SNTG1: variants seen among roughly 807,000 people sequenced by gnomAD.
SNTG1 encodes the protein syntrophin gamma 1.
In SNTG1, 39 loss-of-function variants were observed where a neutral mutation model predicts 74.7. The ratio of observed to expected loss-of-function variants is 0.52; its 90% CI spans 0.40 to 0.68. The LOEUF (loss-of-function observed/expected upper bound fraction) is 0.68, where lower values mean the gene tolerates loss of function less well. Ranked by LOEUF, SNTG1 falls within the 30% of genes least tolerant of loss-of-function variation. SNTG1 has a pLI of 0.00. For missense variants in SNTG1, 685 were observed against 609.5 expected (o/e 1.12, Z -1.30); for synonymous variants, 254 against 217.1 (o/e 1.17, Z -1.49).
In SNTG1 at chr8:50,759,992, C is replaced by T. The variant is rs183248126; in HGVS notation, c.1395+7881C>T. On this transcript the variant is annotated intron_variant, in intron 18 of 18. Transcript: ENST00000642720. Reference sequence around the variant, plus strand: ...TATCCATGAGCATGGAATGTTTTCCCATTTGTTTGTGTCCTCTCTTATTCC... The same window carrying T: ...TATCCATGAGCATGGAATGTTTTCCTATTTGTTTGTGTCCTCTCTTATTCC... 3.2e-4 allele frequency among the ~76,000 whole-genome samples: 48 copies of T among 152,106 alleles called. 1 individual carries two copies. Among genetic ancestry groups the T allele is most frequent in the African/African-American group, 1.1e-3 (46 of 41,492 alleles).
chr8:50,171,498 C>A (rs1325561015), intron 1 of SNTG1, among the ~76,000 whole-genome samples: 1 of 152,056 alleles, frequency 6.6e-6, no homozygotes, highest in Non-Finnish European at 1.5e-5. Context: ...TAGATTGTGC[C>A]CATCCAGATT....
chr8:50,549,204 G>T (rs1346170824), intron 11 of SNTG1, among the ~76,000 whole-genome samples: 7 of 152,112 alleles, frequency 4.6e-5, no homozygotes, highest in Non-Finnish European at 2.9e-5. Context: ...CTTAGGTTTT[G>T]TGCCTGAAAA....
At chr8:50,150,020 C>T (rs1054057656) in intron 1 of SNTG1, among the ~76,000 whole-genome samples, 2 of 152,116 alleles carry the variant, frequency 1.3e-5, no homozygotes, top group Non-Finnish European at 2.9e-5. Flanking sequence ...TTTTTCCTAT[C>T]CATGACCATG....
intron 15 of SNTG1, among the ~76,000 whole-genome samples, chr8:50,669,236 A>C (rs2095266119): frequency 6.6e-6 from 1 of 152,142 alleles, no homozygotes; most frequent in African/African-American, 2.4e-5. Context: ...CCCTTCAAAG[A>C]ATTAGTGAAT....
At chr8:50,216,960 C>T (rs1375187991) in intron 2 of SNTG1, among the ~76,000 whole-genome samples, 1 of 151,492 alleles carries the variant, frequency 6.6e-6, no homozygotes, top group Non-Finnish European at 1.5e-5. Context: ...AAGTAGAAAA[C>T]TTATTTATTG....
intron 2 of SNTG1, among the ~76,000 whole-genome samples, chr8:50,365,744 A>G (rs2092090130): frequency 1.3e-5 from 2 of 152,138 alleles, no homozygotes; most frequent in African/African-American, 4.8e-5. Flanking sequence ...CTTCTTAATT[A>G]TAAGTGTTGA....
chr8:50,293,637 T>C (rs770048955), intron 2 of SNTG1, among the ~76,000 whole-genome samples: 2 of 152,112 alleles, frequency 1.3e-5, no homozygotes, highest in Non-Finnish European at 2.9e-5. Flanking sequence ...CTTGAACTCC[T>C]GACCTGAAGC....
chr8:50,468,802 A>G (rs1311164285), intron 8 of SNTG1, among the ~76,000 whole-genome samples: 4 of 152,134 alleles, frequency 2.6e-5, no homozygotes, highest in Admixed American at 1.3e-4. Context: ...TTTGAAAACA[A>G]TTAGTGTTTG....
chr8:50,083,994 A>G (rs1305390541), intron 1 of SNTG1, among the ~76,000 whole-genome samples: 1 of 152,210 alleles, frequency 6.6e-6, no homozygotes, highest in East Asian at 1.9e-4. Flanking sequence ...ACCTCTTTCA[A>G]TTCTGAGTTC....
intron 2 of SNTG1, chr8:50,381,909 G>C (rs1293355677): frequency 2.0e-5 from 3 of 149,012 alleles, no homozygotes; most frequent in Non-Finnish European, 3.0e-5. Flanking sequence ...ACAATAGGCT[G>C]TCTGCAAACT....
At chr8:49,955,381 G>A (rs561675480) in intron 1 of SNTG1, among the ~76,000 whole-genome samples, 5 of 152,194 alleles carry the variant, frequency 3.3e-5, no homozygotes, top group Admixed American at 6.5e-5. Context: ...TTCATAAGGA[G>A]CTCAGCACGC....
chr8:50,021,505 A>C (rs545833717), intron 1 of SNTG1, among the ~76,000 whole-genome samples: 1 of 152,274 alleles, frequency 6.6e-6, no homozygotes, highest in South Asian at 2.1e-4. Context: ...AATTAAGCTA[A>C]TGAAATTTTC....
chr8:50,364,658 T>G (rs2092057170), intron 2 of SNTG1, among the ~76,000 whole-genome samples: 1 of 152,156 alleles, frequency 6.6e-6, no homozygotes, highest in Admixed American at 6.5e-5. Flanking sequence ...AGGGTTAATA[T>G]GAATAATTCA....
chr8:50,763,856 AACACACACACACACACACACACACAC>A (rs59221694), intron 18 of SNTG1, among the ~76,000 whole-genome samples: 6 of 103,424 alleles, frequency 5.8e-5, no homozygotes, highest in Admixed American at 3.4e-4. Context: ...TTAATACAGA[AACACACACACACACACACACACACAC>A]ACACACACAC....
rs1176961707 is a variant in SNTG1 at position 50,096,251 on chromosome 8, G to GATTT, written c.-102-76310_-102-76309insATTT. On this transcript the variant is annotated intron_variant, in intron 1 of 18. Transcript: ENST00000642720. ...TTGAATTTGAGGATTAGGTGAAAGG[G>GATTT]GATAGATAAACAATAACGTAATACA... 1.5e-3 allele frequency among the ~76,000 whole-genome samples: 224 copies of GATTT among 152,180 alleles called. 1 individual carries two copies. Among genetic ancestry groups the GATTT allele is most frequent in the Non-Finnish European group, 2.5e-3 (167 of 68,016 alleles).
intron 15 of SNTG1, among the ~76,000 whole-genome samples, chr8:50,695,476 GT>G (rs2095401312): frequency 8.0e-6 from 1 of 124,778 alleles, no homozygotes; most frequent in African/African-American, 2.9e-5. Context: ...ATTTTTGTCT[GT>G]TTTTTATTTC....
At chr8:50,487,066 A>G (rs2093802371) in intron 8 of SNTG1, among the ~76,000 whole-genome samples, 1 of 152,344 alleles carries the variant, frequency 6.6e-6, no homozygotes, top group East Asian at 1.9e-4. Flanking sequence ...ACATTTATGC[A>G]GCCAAAAAAC....
intron 11 of SNTG1, among the ~76,000 whole-genome samples, chr8:50,547,061 G>T (rs930968419): frequency 6.6e-6 from 1 of 152,120 alleles, no homozygotes; most frequent in African/African-American, 2.4e-5. Context: ...GGGATTACAG[G>T]CATGAGCCAC....
intron 2 of SNTG1, among the ~76,000 whole-genome samples, chr8:50,354,357 A>G (rs1043780436): frequency 1.1e-4 from 17 of 152,178 alleles, no homozygotes; most frequent in Admixed American, 6.5e-4. Context: ...AAATCTTTGC[A>G]ACATCATCAC....
Sources: gnomAD v4.1 joint callset for allele counts (sites outside exome capture counted in the v4.1 genomes callset) on GRCh38, gnomAD v4.1.1 for gene constraint, MANE v1.5 for transcripts, NCBI Gene and HGNC (gene_info 2026-07-23, HGNC 2026-07-21) for gene names.